Variants in KCMF1 observed in about 807,000 individuals in gnomAD.
KCMF1 encodes the protein potassium channel modulatory factor 1, also known as E3 ubiquitin-protein ligase KCMF1.
In KCMF1, 3 loss-of-function variants were observed where a neutral mutation model predicts 41.1. The observed-to-expected ratio is 0.07, with a 90% CI of 0.03 to 0.19. The LOEUF is 0.19. Among genes scored for constraint, KCMF1 ranks in the 10% least tolerant of loss-of-function variants. The pLI is 1.00. For missense variants in KCMF1, 286 were observed against 488.9 expected (o/e 0.58, Z 3.91); for synonymous variants, 142 against 164.5 (o/e 0.86, Z 1.04).
At chr2:85,050,057 G>A (rs1475516852) in intron 6 of KCMF1, among the ~76,000 whole-genome samples, 2 of 152,146 alleles carry the variant, frequency 1.3e-5, no homozygotes, top group East Asian at 3.8e-4. Flanking sequence ...GGCTGAGGTG[G>A]GAGGATCGCT....
At chr2:85,047,868 T>G (rs1675709888) in intron 5 of KCMF1, among the ~76,000 whole-genome samples, 1 of 152,078 alleles carries the variant, frequency 6.6e-6, no homozygotes, top group Admixed American at 6.5e-5. Context: ...CCTGAAACAT[T>G]GATAAGTGTA....
At chr2:85,010,154 A>C (rs1023701385) in intron 1 of KCMF1, among the ~76,000 whole-genome samples, 1 of 152,190 alleles carries the variant, frequency 6.6e-6, no homozygotes, top group Non-Finnish European at 1.5e-5. Context: ...AGTTTCAGAA[A>C]GCAACAAAAT....
intron 6 of KCMF1, among the ~76,000 whole-genome samples, chr2:85,050,254 A>AT (rs1329585938): frequency 6.6e-6 from 1 of 152,188 alleles, no homozygotes; most frequent in Non-Finnish European, 1.5e-5. Context: ...TTATATATAT[A>AT]TGGTTCATAT....
intron 1 of KCMF1, among the ~76,000 whole-genome samples, chr2:85,011,068 T>C (rs1370737777): frequency 6.6e-6 from 1 of 152,148 alleles, no homozygotes; most frequent in African/African-American, 2.4e-5. Context: ...GGTCTCGATC[T>C]CTTGACCTTG....
intron 1 of KCMF1, among the ~76,000 whole-genome samples, chr2:85,005,072 A>T (rs1674434636): frequency 6.6e-6 from 1 of 151,766 alleles, no homozygotes; most frequent in Non-Finnish European, 1.5e-5. Flanking sequence ...GTGCCCAGCT[A>T]ATTTCTGTAT....
At chr2:84,980,126 C>G (rs1483763123) in intron 1 of KCMF1, among the ~76,000 whole-genome samples, 1 of 152,106 alleles carries the variant, frequency 6.6e-6, no homozygotes, top group Admixed American at 6.6e-5. Flanking sequence ...GCCACTGCGC[C>G]CAGCCAGTTA....
At chr2:85,000,733 G>T (rs909850789) in intron 1 of KCMF1, among the ~76,000 whole-genome samples, 1 of 149,764 alleles carries the variant, frequency 6.7e-6, no homozygotes, top group Non-Finnish European at 1.5e-5. Flanking sequence ...CTGTGTTAAG[G>T]TTAAAAAATT....
chr2:85,008,381 T>A (rs1368499367), intron 1 of KCMF1, among the ~76,000 whole-genome samples: 1 of 19,034 alleles, frequency 5.3e-5, no homozygotes, highest in African/African-American at 1.1e-4. Context: ...ATATGATATA[T>A]TATATATGAT....
intron 1 of KCMF1, among the ~76,000 whole-genome samples, chr2:84,997,346 A>G (rs187181005): frequency 6.6e-5 from 10 of 152,128 alleles, no homozygotes; most frequent in Admixed American, 2.0e-4. Flanking sequence ...AAAGATACTC[A>G]TTTTTATTAT....
chr2:85,008,697 G>A (rs1325600589), intron 1 of KCMF1, among the ~76,000 whole-genome samples: 1 of 151,560 alleles, frequency 6.6e-6, no homozygotes, highest in African/African-American at 2.4e-5. Context: ...CAACTTTCAT[G>A]CTGCTCTGTG....
intron 1 of KCMF1, 53 bp from the exon 2 acceptor site, chr2:85,027,836 A>G (rs1675151157): frequency 2.7e-6 from 3 of 1,121,848 alleles, no homozygotes; most frequent in Admixed American, 5.0e-5. Context: ...ATAAAAATGA[A>G]ATCAAGAGTG....
chr2:85,008,354 A>ATCATATATG (rs1394581511), intron 1 of KCMF1, among the ~76,000 whole-genome samples: 1 of 56,484 alleles, frequency 1.8e-5, no homozygotes, highest in Admixed American at 2.7e-4. Context: ...TATAATATAT[A>ATCATATATG]ATATATATTA....
intron 3 of KCMF1, among the ~76,000 whole-genome samples, chr2:85,038,161 T>G (rs1049907138): frequency 6.6e-5 from 10 of 152,216 alleles, no homozygotes; most frequent in African/African-American, 2.4e-4. Flanking sequence ...TTCAGCACTA[T>G]GATGGGAGAA....
chr2:85,040,707 A>C (rs1675507000), intron 3 of KCMF1, among the ~76,000 whole-genome samples: 1 of 151,900 alleles, frequency 6.6e-6, no homozygotes, highest in Admixed American at 6.6e-5. Flanking sequence ...CATGTGACCC[A>C]AGTGTGGCAA....
intron 1 of KCMF1, chr2:84,971,998 C>A (rs1428210994): frequency 6.6e-6 from 1 of 152,092 alleles, no homozygotes; most frequent in African/African-American, 2.4e-5. Flanking sequence ...GCGGGGCTGG[C>A]GGGAAGGCTC....
chr2:85,051,338 G>A lies in KCMF1; in HGVS notation c.884+1690G>A, dbSNP rs953190492. 3.9e-5 allele frequency among the ~76,000 whole-genome samples: 6 copies of A among 152,166 alleles called. No homozygotes were observed. The East Asian group carries it at 5.8e-4, about 15-fold the overall frequency. On this transcript the variant is annotated intron_variant, in intron 6 of 6. Coordinates refer to ENST00000409785, the MANE Select transcript of KCMF1 (RefSeq NM_020122.5). The stretch of plus-strand genomic sequence containing the variant: ...TACCTCAAAAAGGAGATCTACTAGC[G>A]TGCATTTCTACTGAGAGTTCACAGA...
At chr2:84,993,430 G>A (rs1203577916) in intron 1 of KCMF1, among the ~76,000 whole-genome samples, 3 of 151,920 alleles carry the variant, frequency 2.0e-5, no homozygotes, top group South Asian at 4.1e-4. Flanking sequence ...ACTTTTTTCT[G>A]TTGGGAGATA....
intron 3 of KCMF1, among the ~76,000 whole-genome samples, chr2:85,042,423 C>T (rs142547442): frequency 6.6e-6 from 1 of 152,198 alleles, no homozygotes; most frequent in African/African-American, 2.4e-5. Context: ...TCATCTCCAG[C>T]GCTACCACCT....
chr2:85,038,766 A>G (rs866496021), intron 3 of KCMF1, among the ~76,000 whole-genome samples: 6 of 152,200 alleles, frequency 3.9e-5, no homozygotes, highest in Middle Eastern at 3.2e-3. Context: ...ATTGCAGGTG[A>G]TCAGAAAATC....
Sources: allele counts gnomAD v4.1 joint callset (sites outside exome capture counted in the v4.1 genomes callset), GRCh38; gene constraint gnomAD v4.1.1; transcripts MANE v1.5; gene names NCBI Gene and HGNC (gene_info 2026-07-23, HGNC 2026-07-21).